Variants in MYLK observed in about 807,000 individuals in gnomAD.
MYLK encodes the protein myosin light chain kinase.
In MYLK, 106 loss-of-function variants were observed where a neutral mutation model predicts 203.4. The ratio of observed to expected loss-of-function variants is 0.52; its 90% CI spans 0.45 to 0.61. The LOEUF is 0.61. Ranked by LOEUF, MYLK falls within the 20% of genes least tolerant of loss-of-function variation. The probability of loss-of-function intolerance (pLI) is 0.00; values close to 1 mark genes in which losing one functional copy is unlikely to be tolerated. For synonymous variants in MYLK, 867 were observed against 959.5 expected, an observed-to-expected ratio of 0.90 and a Z score of 1.78; for missense variants, 2,072 against 2,442.3, an observed-to-expected ratio of 0.85 and a Z score of 3.20.
intron 9 of MYLK, 43 bp downstream of exon 9, chr3:123,735,355 A>G: frequency 6.2e-7 from 1 of 1,612,882 alleles, no homozygotes. Flanking sequence ...CTTGCAGGGC[A>G]TTTCAAGAGG....
At chr3:123,708,182 C>T (rs982313820) in intron 15 of MYLK, among the ~76,000 whole-genome samples, 179 bp from the exon 16 acceptor site, 7 of 152,158 alleles carry the variant, frequency 4.6e-5, no homozygotes, top group South Asian at 2.1e-4. Context: ...ACATCCATCT[C>T]GGATACATTC....
chr3:123,817,719 G>A (rs964860342), intron 3 of MYLK, among the ~76,000 whole-genome samples: 4 of 152,314 alleles, frequency 2.6e-5, no homozygotes, highest in Non-Finnish European at 5.9e-5. Context: ...ATTACAGGCT[G>A]ATAGCGGGTA....
intron 2 of MYLK, among the ~76,000 whole-genome samples, chr3:123,855,593 T>C (rs1365540074): frequency 6.6e-6 from 1 of 152,022 alleles, no homozygotes; most frequent in Admixed American, 6.6e-5. Flanking sequence ...GAGTTATGAT[T>C]GTGCTACTCT....
chr3:123,757,875 T>G lies in MYLK; in HGVS notation c.166-5337A>C, dbSNP rs141191106. On this transcript the variant is annotated intron_variant, in intron 4 of 33. Coordinates refer to ENST00000360304, the MANE Select transcript of MYLK (RefSeq NM_053025.4). ...ACACATTACTGTGAACTTCTTACCC[T>G]GTTACAAGTGTTGTTTCTCCTATGA... 3.4e-3 allele frequency among the ~76,000 whole-genome samples: 524 copies of G among 152,288 alleles called. 2 individuals are homozygous for G. The highest frequency in any genetic ancestry group is 6.2e-3 in the Non-Finnish European group (419 of 68,008).
intron 20 of MYLK, among the ~76,000 whole-genome samples, chr3:123,672,813 A>G (rs535329971): frequency 1.1e-3 from 161 of 152,252 alleles, no homozygotes; most frequent in Non-Finnish European, 1.5e-3. Flanking sequence ...TATTCTATAC[A>G]TATTTTATAT....
At chr3:123,731,990 CTTTT>C (rs59910858) in intron 11 of MYLK, among the ~76,000 whole-genome samples, 100 of 124,754 alleles carry the variant, frequency 8.0e-4, no homozygotes, top group Non-Finnish European at 1.1e-3. Flanking sequence ...TATAGGTTGT[CTTTT>C]TTTTTTTTTT....
intron 20 of MYLK, among the ~76,000 whole-genome samples, chr3:123,679,178 G>A (rs534296877): frequency 6.2e-4 from 95 of 152,048 alleles, no homozygotes; most frequent in African/African-American, 2.1e-3. Flanking sequence ...GTGGTGGTGC[G>A]CAGCTGTAGT....
chr3:123,811,946 TA>T (rs1476817694), intron 3 of MYLK, among the ~76,000 whole-genome samples: 1 of 152,216 alleles, frequency 6.6e-6, no homozygotes. Context: ...CCCCCATTTC[TA>T]ACAGTTATAT....
In MYLK at chr3:123,663,543, C is replaced by G. The variant is rs887713768; in HGVS notation, c.3985+562G>C. 2.6e-5 allele frequency among the ~76,000 whole-genome samples: 4 copies of G among 152,100 alleles called. No homozygotes were observed. In the East Asian group the frequency reaches 7.7e-4, roughly 29 times the overall value. On this transcript the variant is annotated intron_variant, in intron 23 of 33. Coordinates refer to ENST00000360304, the MANE Select transcript of MYLK (RefSeq NM_053025.4). Reference sequence around the variant, plus strand: ...GCAGGAGTTATTAATGCCTGTGCATCTGGCTAAGATGGCGACACTTACGGG... The same window carrying G: ...GCAGGAGTTATTAATGCCTGTGCATGTGGCTAAGATGGCGACACTTACGGG...
rs1553768091 is a variant in MYLK at position 123,613,349 on chromosome 3, T to TTC, written c.*755_*756insGA. 4.6e-5 allele frequency: 7 copies of TTC among 151,968 alleles called. No individual in the cohort carries two copies. The East Asian group carries it at 1.2e-3, about 25-fold the overall frequency. The allele number at this position is 151,968 out of a possible 1,614,324, so 9.4% of individuals were successfully genotyped here. On this transcript the variant is annotated 3_prime_UTR_variant, in exon 34 of 34. Coordinates refer to ENST00000360304, the MANE Select transcript of MYLK (RefSeq NM_053025.4). ...ACCACATTAGCAAGGATTTTTTTTTTCCCATGGGTTCTTAACCAAATGTCT... is the reference window on the plus strand; with the variant it reads ...ACCACATTAGCAAGGATTTTTTTTTTTCCCCATGGGTTCTTAACCAAATGTCT...
At chr3:123,673,747 T>C (rs1435330543) in intron 20 of MYLK, among the ~76,000 whole-genome samples, 4 of 152,106 alleles carry the variant, frequency 2.6e-5, no homozygotes, top group African/African-American at 9.7e-5. Flanking sequence ...CTCATCCTCT[T>C]CTCTGACACC....
chr3:123,777,986 G>A (rs1172941639), intron 4 of MYLK, among the ~76,000 whole-genome samples: 3 of 152,104 alleles, frequency 2.0e-5, no homozygotes, highest in African/African-American at 7.2e-5. Context: ...AGACTGTACA[G>A]TGCTTATTTC....
intron 2 of MYLK, among the ~76,000 whole-genome samples, chr3:123,872,879 C>T (rs2032895743): frequency 6.6e-6 from 1 of 152,108 alleles, no homozygotes; most frequent in Non-Finnish European, 1.5e-5. Flanking sequence ...TCTCCCCTCC[C>T]CAGATGTTAG....
chr3:123,663,716 G>A (rs1292809448), intron 23 of MYLK, among the ~76,000 whole-genome samples: 1 of 152,164 alleles, frequency 6.6e-6, no homozygotes, highest in Non-Finnish European at 1.5e-5. Context: ...GGAGGGTGGA[G>A]TCAGGATGGG....
intron 27 of MYLK, chr3:123,646,895 A>G: frequency 2.9e-6 from 1 of 344,784 alleles, no homozygotes; most frequent in South Asian, 3.5e-5. Context: ...CCCAAATGAA[A>G]CCAAGGAGCC....
chr3:123,692,610 C>T, intron 19 of MYLK, 125 bp downstream of exon 19: 1 of 886,904 alleles, frequency 1.1e-6, no homozygotes. Context: ...AAAATGAATG[C>T]CTTTGGGTAG....
At chr3:123,696,883 G>A (rs1487745948) in intron 18 of MYLK, among the ~76,000 whole-genome samples, 1 of 152,190 alleles carries the variant, frequency 6.6e-6, no homozygotes, top group Non-Finnish European at 1.5e-5. Flanking sequence ...AATATAGGAT[G>A]AAACTGGGGC....
At chr3:123,841,205 G>A (rs1169512169) in intron 2 of MYLK, among the ~76,000 whole-genome samples, 1 of 152,088 alleles carries the variant, frequency 6.6e-6, no homozygotes, top group African/African-American at 2.4e-5. Context: ...ACAACTATCT[G>A]TGAAGGATGC....
intron 2 of MYLK, among the ~76,000 whole-genome samples, chr3:123,845,627 A>G (rs1222798628): frequency 6.6e-6 from 1 of 152,180 alleles, no homozygotes; most frequent in Non-Finnish European, 1.5e-5. Context: ...AGTAGCCAGG[A>G]CTACAAGTAC....
Sources: allele counts gnomAD v4.1 joint callset (sites outside exome capture counted in the v4.1 genomes callset), GRCh38; gene constraint gnomAD v4.1.1; transcripts MANE v1.5; gene names NCBI Gene and HGNC (gene_info 2026-07-23, HGNC 2026-07-21).